The following GRIK1 variants were observed in gnomAD, a reference collection of about 807,000 sequenced individuals.
The protein encoded by GRIK1 is glutamate receptor ionotropic, kainate 1.
A neutral mutation model predicts 105.7 loss-of-function variants in GRIK1; 69 were observed. The observed-to-expected ratio is 0.65, with a 90% CI of 0.54 to 0.80. The LOEUF (loss-of-function observed/expected upper bound fraction) is 0.80. Among genes scored for constraint, GRIK1 ranks in the 30% least tolerant of loss-of-function variants. GRIK1 has a pLI of 0.00. For missense variants in GRIK1, 1,109 were observed against 1,167.3 expected (o/e 0.95, Z 0.73); for synonymous variants, 438 against 431.3 (o/e 1.02, Z -0.19).
rs1216285688 is a variant in GRIK1 at position 29,694,102 on chromosome 21, C to T, written c.119-39G>A. 3 of 870,952 alleles carry T rather than the reference C, an allele frequency of 3.4e-6. No homozygotes were observed. The Admixed American group carries it at 6.9e-5, about 20-fold the overall frequency. 54.0% of individuals were successfully genotyped at this position (870,952 alleles called of 1,614,324 possible). Reference sequence around the variant, plus strand: ...AGAGATGCATGAGAAGCGTTAGTCACATGGTTCACATGTAATTTTTTTTTT... The same window carrying T: ...AGAGATGCATGAGAAGCGTTAGTCATATGGTTCACATGTAATTTTTTTTTT... On this transcript the variant is annotated intron_variant, in intron 1 of 17. Coordinates refer to ENST00000327783, the MANE Select transcript of GRIK1 (RefSeq NM_001330994.2).
chr21:29,666,359 T>C (rs1274828262), intron 4 of GRIK1, among the ~76,000 whole-genome samples: 1 of 152,124 alleles, frequency 6.6e-6, no homozygotes, highest in African/African-American at 2.4e-5. Flanking sequence ...GCCGAGATCA[T>C]GCCATTGCAC....
intron 14 of GRIK1, among the ~76,000 whole-genome samples, chr21:29,572,958 G>T (rs528569239): frequency 6.6e-6 from 1 of 151,950 alleles, no homozygotes; most frequent in South Asian, 2.1e-4. Flanking sequence ...TTTTTAGTAG[G>T]GACGGGGTTT....
chr21:29,715,079 A>C (rs927614924), intron 1 of GRIK1, among the ~76,000 whole-genome samples: 4 of 152,306 alleles, frequency 2.6e-5, no homozygotes, highest in Admixed American at 2.6e-4. Context: ...GAAGATCACT[A>C]ACCAACCTAT....
In GRIK1 at chr21:29,677,841, G is replaced by T. The variant is rs115356317; in HGVS notation, c.545-4677C>A. ...AAATGGGTCACAAATAGCAGGAATT[G>T]GAAGAGACCTTCAGGTCAAACTCCT... On this transcript the variant is annotated intron_variant, in intron 3 of 17. Transcript: ENST00000327783. 3.2e-3 allele frequency among the ~76,000 whole-genome samples: 488 copies of T among 152,312 alleles called. 4 individuals are homozygous for T. The highest frequency in any genetic ancestry group is 0.011 in the African/African-American group (467 of 41,568).
chr21:29,685,791 T>G (rs2063476751), intron 3 of GRIK1, among the ~76,000 whole-genome samples: 1 of 152,176 alleles, frequency 6.6e-6, no homozygotes, highest in Non-Finnish European at 1.5e-5. Context: ...CTTTCTGACT[T>G]TCTCCTGACC....
At chr21:29,847,934 C>T (rs2068175888) in intron 1 of GRIK1, among the ~76,000 whole-genome samples, 1 of 152,112 alleles carries the variant, frequency 6.6e-6, no homozygotes, top group Admixed American at 6.5e-5. Context: ...CTCTCTCACA[C>T]ACACACATGC....
intron 1 of GRIK1, among the ~76,000 whole-genome samples, chr21:29,918,372 A>T (rs2071074542): frequency 6.6e-6 from 1 of 152,064 alleles, no homozygotes; most frequent in Non-Finnish European, 1.5e-5. Context: ...AGTAGACATA[A>T]CCAATCTCAT....
At chr21:29,580,598 A>C (rs1045855000) in intron 13 of GRIK1, among the ~76,000 whole-genome samples, 1 of 152,194 alleles carries the variant, frequency 6.6e-6, no homozygotes, top group African/African-American at 2.4e-5. Context: ...TGTTTAATGT[A>C]TATCCCAGTG....
chr21:29,587,990 T>TTTTTTG lies in GRIK1; in HGVS notation c.1570-402_1570-401insCAAAAA, dbSNP rs1491321446. ...TTTTTTTTTTTTTTTTTTTTTTTTT[T>TTTTTTG]GTGAGGCGGAGTCTCACTCTGTCGC... On this transcript the variant is annotated intron_variant, in intron 11 of 17. Coordinates refer to ENST00000327783, the MANE Select transcript of GRIK1 (RefSeq NM_001330994.2). Among the ~76,000 whole-genome samples, 261 of 131,266 alleles carry TTTTTTG rather than the reference T, an allele frequency of 2.0e-3. 6 individuals are homozygous for TTTTTTG. The highest frequency in any genetic ancestry group is 7.7e-3 in the African/African-American group (244 of 31,494). The allele number at this position is 131,266 out of a possible 152,430, so 86.1% of individuals were successfully genotyped here. A position where few individuals can be genotyped will look rare whatever the true frequency, so the allele number is the denominator to read the frequency against.
At chr21:29,868,070 G>A (rs541477078) in intron 1 of GRIK1, among the ~76,000 whole-genome samples, 5 of 152,164 alleles carry the variant, frequency 3.3e-5, no homozygotes, top group Admixed American at 6.5e-5. Flanking sequence ...GAAAGAGCTA[G>A]GAAGTAGGTG....
chr21:29,889,107 C>T (rs1343122926), intron 1 of GRIK1, among the ~76,000 whole-genome samples: 2 of 152,066 alleles, frequency 1.3e-5, no homozygotes, highest in Admixed American at 6.6e-5. Context: ...TTACTTGAAA[C>T]AAAGTAGGTC....
At position 29,817,963 on chromosome 21, in the gene GRIK1, C is replaced by T. The variant is rs149802993; in HGVS notation, c.118+121420G>A. Among the ~76,000 whole-genome samples, 90 of 152,150 alleles carry T rather than the reference C, an allele frequency of 5.9e-4. 2 individuals are homozygous for T. The East Asian group carries it at 0.014, about 24-fold the overall frequency. ...TCCTATGGGTTAGGCACGATTATTC[C>T]TATTTGGCAGATGAGTGACAGAGTA... On this transcript the variant is annotated intron_variant, in intron 1 of 17. Transcript: ENST00000327783.
intron 1 of GRIK1, among the ~76,000 whole-genome samples, chr21:29,824,368 A>G (rs1326556379): frequency 1.3e-5 from 2 of 152,022 alleles, no homozygotes; most frequent in Non-Finnish European, 1.5e-5. Flanking sequence ...ATCATAGTAT[A>G]CAAATAGACA....
chr21:29,887,912 T>C (rs753249161), intron 1 of GRIK1, among the ~76,000 whole-genome samples: 1 of 152,008 alleles, frequency 6.6e-6, no homozygotes, highest in Non-Finnish European at 1.5e-5. Context: ...GGGATAATGC[T>C]TTCCCAAACA....
At chr21:29,759,394 A>G (rs994667503) in intron 1 of GRIK1, among the ~76,000 whole-genome samples, 23 of 152,224 alleles carry the variant, frequency 1.5e-4, no homozygotes, top group African/African-American at 5.5e-4. Context: ...CTGGGATTAC[A>G]GGCGTGAGAC....
chr21:29,745,223 G>A (rs775959511), intron 1 of GRIK1, among the ~76,000 whole-genome samples: 7 of 152,126 alleles, frequency 4.6e-5, no homozygotes, highest in Non-Finnish European at 8.8e-5. Flanking sequence ...AACTGCAACC[G>A]AGATCCTCAG....
At chr21:29,781,145 C>T (rs141477609) in intron 1 of GRIK1, among the ~76,000 whole-genome samples, 7 of 152,264 alleles carry the variant, frequency 4.6e-5, no homozygotes, top group South Asian at 2.1e-4. Context: ...CATGCACACA[C>T]GTATACACAA....
At chr21:29,549,711 C>T (rs1157480791) in intron 16 of GRIK1, among the ~76,000 whole-genome samples, 1 of 152,016 alleles carries the variant, frequency 6.6e-6, no homozygotes, top group African/African-American at 2.4e-5. Context: ...TTTTGTTCTA[C>T]AGTTCGCTTG....
chr21:29,604,682 A>G (rs2061579396), intron 7 of GRIK1, among the ~76,000 whole-genome samples: 1 of 152,186 alleles, frequency 6.6e-6, no homozygotes, highest in Middle Eastern at 3.2e-3. Context: ...ACAGAAAACA[A>G]TACTTAAACT....
Sources: allele counts gnomAD v4.1 joint callset (sites outside exome capture counted in the v4.1 genomes callset), GRCh38; gene constraint gnomAD v4.1.1; transcripts MANE v1.5; gene names NCBI Gene and HGNC (gene_info 2026-07-23, HGNC 2026-07-21).